SLC26A5: variants seen among roughly 807,000 people sequenced by gnomAD.
SLC26A5 encodes prestin.
In SLC26A5, 51 loss-of-function variants were observed where a neutral mutation model predicts 81.0. The ratio of observed to expected loss-of-function variants is 0.63; its 90% CI spans 0.50 to 0.80. The LOEUF is 0.80. SLC26A5 is among the 30% of genes least tolerant of loss of function. The probability of loss-of-function intolerance (pLI) is 0.00; values close to 1 mark genes in which losing one functional copy is unlikely to be tolerated. For synonymous variants in SLC26A5, 325 were observed against 332.8 expected (o/e 0.98, Z 0.25); for missense variants, 771 against 905.8 (o/e 0.85, Z 1.91).
At chr7:103,412,822 A>G (rs541234485) in intron 5 of SLC26A5, among the ~76,000 whole-genome samples, 180 bp downstream of exon 5, 109 of 152,222 alleles carry the variant, frequency 7.2e-4, no homozygotes, top group Non-Finnish European at 2.2e-4. Flanking sequence ...GAGTGCTGGG[A>G]TTACAGGGAT....
intron 8 of SLC26A5, among the ~76,000 whole-genome samples, chr7:103,406,229 A>G (rs933152657): frequency 4.6e-5 from 7 of 152,128 alleles, no homozygotes; most frequent in African/African-American, 1.7e-4. Flanking sequence ...TGGGGTATGA[A>G]AAAAACTCCT....
rs1420656972 is a variant in SLC26A5 at position 103,367,334 on chromosome 7, A to T, written c.2041+9474T>A. ...GCCTGAGGACATGATTTGAGCTGAG[A>T]TTTTTGGTACTTTCAGGTCATGCAT... On this transcript the variant is annotated intron_variant, in intron 19 of 19. Coordinates refer to the SLC26A5 transcript ENST00000339444. This position sits in a 1 kb window ranked among gnomAD's most constrained non-coding sequence, Gnocchi z 6.1. 1.4e-6 allele frequency: 2 copies of T among 1,389,448 alleles called. No homozygotes were observed. Among genetic ancestry groups the T allele is most frequent in the Non-Finnish European group, 2.0e-6 (2 of 986,470 alleles). 86.1% of individuals were successfully genotyped at this position (1,389,448 alleles called of 1,614,324 possible).
At chr7:103,354,192 G>A (rs1225453401) in intron 19 of SLC26A5, among the ~76,000 whole-genome samples, 2 of 152,152 alleles carry the variant, frequency 1.3e-5, no homozygotes, top group Admixed American at 6.5e-5. Flanking sequence ...TATTTGGCAT[G>A]TCTCAGTTTA....
intron 19 of SLC26A5, among the ~76,000 whole-genome samples, chr7:103,364,919 A>G (rs1387274824): frequency 6.8e-6 from 1 of 146,428 alleles, no homozygotes; most frequent in Non-Finnish European, 1.5e-5. Flanking sequence ...TCCTAATGAG[A>G]AAGTGAGAAC....
At chr7:103,423,240 C>T (rs1329372250) in intron 2 of SLC26A5, among the ~76,000 whole-genome samples, 2 of 152,088 alleles carry the variant, frequency 1.3e-5, no homozygotes, top group African/African-American at 2.4e-5. Flanking sequence ...CCATTGTACT[C>T]CAGCCTGGGC....
chr7:103,369,430 C>G (rs1820898533), downstream of SLC26A5: 1 of 152,302 alleles, frequency 6.6e-6, no homozygotes, highest in Admixed American at 6.5e-5. Context: ...TGGCCACGTG[C>G]TCATATATAC....
At chr7:103,376,492 G>A (rs972678789) in intron 19 of SLC26A5, among the ~76,000 whole-genome samples, 2 of 152,176 alleles carry the variant, frequency 1.3e-5, no homozygotes, top group African/African-American at 4.8e-5. Flanking sequence ...GTTTATGGCA[G>A]CCATTAGATA....
At chr7:103,406,562 G>A (rs1824067752) in intron 8 of SLC26A5, among the ~76,000 whole-genome samples, 1 of 152,138 alleles carries the variant, frequency 6.6e-6, no homozygotes, top group Admixed American at 6.5e-5. Context: ...AGGTGGAAAT[G>A]CAGAAATCAC....
In SLC26A5 at chr7:103,376,833, T is replaced by C. The variant is rs765594830; in HGVS notation, c.2016A>G (p.Ile672Met). 5.0e-6 allele frequency: 8 copies of C among 1,604,942 alleles called. No individual in the cohort carries two copies. Among genetic ancestry groups the C allele is most frequent in the Non-Finnish European group, 6.0e-6 (7 of 1,171,978 alleles). Residue 672 changes from isoleucine to methionine, a missense_variant, in exon 19 of 20, where the codon ATA becomes ATG. By Grantham distance (10) the Ile-to-Met change is conservative. Coordinates refer to ENST00000306312, the MANE Select transcript of SLC26A5 (RefSeq NM_198999.3). The stretch of plus-strand genomic sequence containing the variant: ...CACTGCATCCTGCTAAGTATACATA[T>C]ATACCGACGTCTCCATATTCTTTTA... Reference protein sequence around the residue: ...GIVKEYGDVGIYVYLAGCSAQ... With the variant: ...GIVKEYGDVGMYVYLAGCSAQ...
intron 8 of SLC26A5, among the ~76,000 whole-genome samples, chr7:103,403,695 C>CTTT (rs561652280): frequency 0.024 from 3,051 of 128,438 alleles, 124 homozygotes; most frequent in African/African-American, 0.084. Flanking sequence ...CAATCCCCTG[C>CTTT]TTTTTTTTTT....
At position 103,420,765 on chromosome 7, in the gene SLC26A5, T is replaced by G; in HGVS notation, c.265A>C (p.Ser89Arg). Residue 89 changes from serine to arginine, a missense_variant, in exon 4 of 20, where the codon AGC (serine) becomes CGC (arginine). Coordinates refer to ENST00000306312, the MANE Select transcript of SLC26A5 (RefSeq NM_198999.3). ...TGAGGAAGCTGAAGCACCCCTGTGC[T>G]TATGCCTGAGACCAAGTCACCCAAC... ...YVLGDLVSGI[S>R]TGVLQLPQGL... 2.5e-6 allele frequency: 4 copies of G among 1,614,168 alleles called. No individual in the cohort carries two copies. Among genetic ancestry groups the G allele is most frequent in the Non-Finnish European group, 3.4e-6 (4 of 1,180,020 alleles).
At chr7:103,366,205 C>T (rs1327281503) in intron 19 of SLC26A5, 1 of 1,519,630 alleles carries the variant, frequency 6.6e-7, no homozygotes, top group Non-Finnish European at 9.1e-7. Context: ...GATTCAGTTT[C>T]ATGAAAGCTG....
chr7:103,420,653 G>T, intron 4 of SLC26A5, 85 bp downstream of exon 4: 1 of 1,519,260 alleles, frequency 6.6e-7, no homozygotes. Flanking sequence ...TAAAAATTAT[G>T]AATTTGCAAT....
At chr7:103,407,376 C>T (rs747662354) in intron 8 of SLC26A5, among the ~76,000 whole-genome samples, 8 of 152,074 alleles carry the variant, frequency 5.3e-5, no homozygotes, top group Non-Finnish European at 8.8e-5. Flanking sequence ...TAAACAACTA[C>T]GAAGTTGTTA....
At chr7:103,419,096 C>T (rs1190851385) in intron 4 of SLC26A5, among the ~76,000 whole-genome samples, 5 of 152,152 alleles carry the variant, frequency 3.3e-5, no homozygotes, top group African/African-American at 1.2e-4. Context: ...TCTTGCCTGC[C>T]ACCATGTAAG....
intron 2 of SLC26A5, among the ~76,000 whole-genome samples, chr7:103,425,099 T>G (rs1825621118): frequency 6.6e-6 from 1 of 152,188 alleles, no homozygotes. Flanking sequence ...GAATTCCTCG[T>G]GACACCCGTG....
At chr7:103,378,039 C>A (rs1303534427) in intron 17 of SLC26A5, among the ~76,000 whole-genome samples, 2 of 152,038 alleles carry the variant, frequency 1.3e-5, no homozygotes, top group Non-Finnish European at 2.9e-5. Flanking sequence ...TCTTGTCCAA[C>A]AAAATCCACT....
In SLC26A5 at chr7:103,398,654, A is replaced by G. The variant is rs146424515; in HGVS notation, c.889-640T>C. On this transcript the variant is annotated intron_variant, in intron 8 of 19. Coordinates refer to ENST00000306312, the MANE Select transcript of SLC26A5 (RefSeq NM_198999.3). ...AGTACAATCCCTAATGAGTTGCAAG[A>G]GAAACAAAACAAAAGGTGAGATAGC... Among the ~76,000 whole-genome samples the G allele has an allele frequency of 2.0e-5, 3 of 152,288 alleles. No homozygotes were observed. In the East Asian group the frequency reaches 5.8e-4, roughly 29 times the overall value.
chr7:103,432,116 A>G (rs1283768010), intron 2 of SLC26A5, among the ~76,000 whole-genome samples: 2 of 152,046 alleles, frequency 1.3e-5, no homozygotes, highest in Admixed American at 6.5e-5. Flanking sequence ...GGGTATCACC[A>G]TGTTGCCTAG....
Sources: gnomAD v4.1 joint callset for allele counts (sites outside exome capture counted in the v4.1 genomes callset) on GRCh38, gnomAD v4.1.1 for gene constraint, Gnocchi (gnomAD v3.1) non-coding constraint, MANE v1.5 for transcripts, NCBI Gene and HGNC (gene_info 2026-07-23, HGNC 2026-07-21) for gene names.